Variants in ARHGAP42 observed in about 807,000 individuals in gnomAD.
ARHGAP42 encodes rho GTPase-activating protein 42.
In ARHGAP42, 63 loss-of-function variants were observed where a neutral mutation model predicts 125.0. The ratio of observed to expected loss-of-function variants is 0.50; its 90% CI spans 0.41 to 0.62. The LOEUF (loss-of-function observed/expected upper bound fraction) is 0.62, where lower values mean the gene tolerates loss of function less well. Ranked by LOEUF, ARHGAP42 falls within the 20% of genes least tolerant of loss-of-function variation. The pLI, the probability that ARHGAP42 is intolerant of heterozygous loss-of-function variation, is 0.00. For synonymous variants in ARHGAP42, 339 were observed against 351.0 expected (o/e 0.97, Z 0.38); for missense variants, 766 against 1,024.2 (o/e 0.75, Z 3.44).
At position 100,804,359 on chromosome 11, in the gene ARHGAP42, A is replaced by AC. The variant is rs372700269; in HGVS notation, c.312+9194dup. 2.0e-3 allele frequency among the ~76,000 whole-genome samples: 298 copies of AC among 152,098 alleles called. 1 individual carries two copies. The highest frequency in any genetic ancestry group is 6.8e-3 in the African/African-American group (282 of 41,508). The stretch of plus-strand genomic sequence containing the variant: ...CTAGCTGTCTGGGTATTATTTTGGG[A>AC]CAAAAAAAAATTATAGGAGGACTTA... On this transcript the variant is annotated intron_variant, in intron 3 of 23. Coordinates refer to ENST00000298815, the MANE Select transcript of ARHGAP42 (RefSeq NM_152432.4).
At chr11:100,742,205 T>G (rs1439551520) in intron 1 of ARHGAP42, among the ~76,000 whole-genome samples, 3 of 152,214 alleles carry the variant, frequency 2.0e-5, no homozygotes, top group Non-Finnish European at 4.4e-5. Context: ...GAGGGGGTCT[T>G]ATTTTTGTGT....
At chr11:100,899,978 A>T (rs1374260308) in intron 4 of ARHGAP42, among the ~76,000 whole-genome samples, 2 of 151,676 alleles carry the variant, frequency 1.3e-5, no homozygotes, top group Non-Finnish European at 2.9e-5. Flanking sequence ...TTGCCCATTG[A>T]TTGATGTAGT....
chr11:100,895,460 T>G (rs551519440), intron 4 of ARHGAP42, among the ~76,000 whole-genome samples: 1 of 152,090 alleles, frequency 6.6e-6, no homozygotes, highest in South Asian at 2.1e-4. Context: ...CAATAATAAT[T>G]TTTTTCCCAG....
intron 7 of ARHGAP42, among the ~76,000 whole-genome samples, chr11:100,934,427 A>T (rs1348946029): frequency 6.6e-6 from 1 of 152,202 alleles, no homozygotes; most frequent in African/African-American, 2.4e-5. Context: ...ATTTTTTAAA[A>T]GTGAGAATTA....
chr11:100,716,742 TA>T (rs780957879), intron 1 of ARHGAP42, among the ~76,000 whole-genome samples: 14 of 152,130 alleles, frequency 9.2e-5, no homozygotes, highest in Non-Finnish European at 2.1e-4. Context: ...TAATTAAAAA[TA>T]TTTTTTTGTA....
At chr11:100,964,579 G>T (rs1249507594) in intron 16 of ARHGAP42, among the ~76,000 whole-genome samples, 9 of 152,144 alleles carry the variant, frequency 5.9e-5, no homozygotes, top group Non-Finnish European at 1.3e-4. Context: ...TCTGGAGAAA[G>T]AATTTGGTAT....
Position 100,687,903 on chromosome 11 carries a change from G to T in ARHGAP42, c.154+71G>T, listed in dbSNP as rs1861112860. The T allele has an allele frequency of 1.5e-5, 22 of 1,449,288 alleles. No homozygotes were observed. The South Asian group carries it at 2.9e-4, about 19-fold the overall frequency. 89.8% of individuals were successfully genotyped at this position (1,449,288 alleles called of 1,614,324 possible). On this transcript the variant is annotated intron_variant, in intron 1 of 23. Transcript: ENST00000298815. The stretch of plus-strand genomic sequence containing the variant: ...CCCGCGGGGTGCGGGTCCGAAGGGT[G>T]GGTTGGAGGAGTCGGAGCTTCTTTT...
At chr11:100,790,287 T>C (rs1863535010) in intron 2 of ARHGAP42, among the ~76,000 whole-genome samples, 1 of 152,344 alleles carries the variant, frequency 6.6e-6, no homozygotes, top group South Asian at 2.1e-4. Flanking sequence ...ATTCAACTAT[T>C]ATGTTTGTGA....
intron 1 of ARHGAP42, among the ~76,000 whole-genome samples, chr11:100,761,911 C>A (rs1338388456): frequency 1.3e-5 from 2 of 152,196 alleles, no homozygotes; most frequent in African/African-American, 4.8e-5. Flanking sequence ...GGATTAATAT[C>A]TTCCTTTTGC....
chr11:100,917,697 G>A (rs12281543), intron 5 of ARHGAP42, among the ~76,000 whole-genome samples: 13,846 of 151,966 alleles, frequency 0.091, 903 homozygotes, highest in Non-Finnish European at 0.13. Context: ...TCAGCCTCCC[G>A]AGTAGCTGGG....
intron 21 of ARHGAP42, among the ~76,000 whole-genome samples, chr11:100,978,132 G>C (rs1435969140): frequency 1.3e-5 from 2 of 152,254 alleles, no homozygotes; most frequent in African/African-American, 4.8e-5. Flanking sequence ...GGGAAGATGA[G>C]AGAATATAAA....
intron 4 of ARHGAP42, among the ~76,000 whole-genome samples, chr11:100,906,200 G>A (rs1866731602): frequency 6.6e-6 from 1 of 152,108 alleles, no homozygotes; most frequent in South Asian, 2.1e-4. Context: ...CCTTATGTGA[G>A]CAGAGCACAC....
At chr11:100,894,278 G>A (rs1866289276) in intron 4 of ARHGAP42, among the ~76,000 whole-genome samples, 1 of 152,190 alleles carries the variant, frequency 6.6e-6, no homozygotes, top group Admixed American at 6.5e-5. Flanking sequence ...AGACTTTCAT[G>A]AGCTGTGTGA....
At chr11:100,725,510 C>G (rs1269055234) in intron 1 of ARHGAP42, among the ~76,000 whole-genome samples, 1 of 150,612 alleles carries the variant, frequency 6.6e-6, no homozygotes, top group African/African-American at 2.4e-5. Flanking sequence ...TTAAGAATTA[C>G]GGCTAGGCAT....
rs548663646 is a variant in ARHGAP42, at chr11:100,902,636, C to G, written c.385-10816C>G. Reference sequence around the variant, plus strand: ...AGGAGTATCTGAGTATCCTGATACTCAGATCTGGGAGTATCACCCCTTGTC... The same window carrying G: ...AGGAGTATCTGAGTATCCTGATACTGAGATCTGGGAGTATCACCCCTTGTC... On this transcript the variant is annotated intron_variant, in intron 4 of 23. Coordinates refer to ENST00000298815, the MANE Select transcript of ARHGAP42 (RefSeq NM_152432.4). Among the ~76,000 whole-genome samples the G allele has an allele frequency of 6.6e-5, 10 of 152,198 alleles. No homozygotes were observed. In the South Asian group the frequency reaches 1.5e-3, roughly 22 times the overall value.
chr11:100,764,025 C>CTTT (rs772607133), intron 1 of ARHGAP42, among the ~76,000 whole-genome samples: 29 of 101,502 alleles, frequency 2.9e-4, no homozygotes, highest in African/African-American at 6.4e-4. Flanking sequence ...TCTTCTTCTT[C>CTTT]TTTTTTTTTT....
intron 1 of ARHGAP42, among the ~76,000 whole-genome samples, chr11:100,708,647 G>A (rs1363758264): frequency 6.6e-6 from 1 of 152,106 alleles, no homozygotes; most frequent in Admixed American, 6.5e-5. Context: ...AAAGAGAAAT[G>A]TTTCTCTGGC....
intron 4 of ARHGAP42, among the ~76,000 whole-genome samples, chr11:100,863,059 AACACACACAC>A (rs3063447): frequency 7.3e-5 from 10 of 137,454 alleles, no homozygotes; most frequent in Non-Finnish European, 1.4e-4. Flanking sequence ...AAAAACACAA[AACACACACAC>A]ACACACACAC....
At chr11:100,919,030 G>A (rs1867161188) in intron 5 of ARHGAP42, among the ~76,000 whole-genome samples, 1 of 152,162 alleles carries the variant, frequency 6.6e-6, no homozygotes, top group Non-Finnish European at 1.5e-5. Context: ...ATTTATTACA[G>A]TAAAAGGAAA....
Sources: allele counts gnomAD v4.1 joint callset (sites outside exome capture counted in the v4.1 genomes callset), GRCh38; gene constraint gnomAD v4.1.1; transcripts MANE v1.5; gene names NCBI Gene and HGNC (gene_info 2026-07-23, HGNC 2026-07-21).